The following LMNTD1 variants were observed in gnomAD, a reference collection of about 807,000 sequenced individuals.
LMNTD1 encodes lamin tail domain-containing protein 1.
A neutral mutation model predicts 50.9 loss-of-function variants in LMNTD1; 35 were observed. The ratio of observed to expected loss-of-function variants is 0.69; its 90% CI spans 0.53 to 0.91. LMNTD1 has a LOEUF of 0.91. LMNTD1 is among the 40% of genes least tolerant of loss of function. LMNTD1 has a pLI of 0.00. For synonymous variants in LMNTD1, 153 were observed against 161.9 expected, an observed-to-expected ratio of 0.94 and a Z score of 0.42; for missense variants, 470 against 475.5, an observed-to-expected ratio of 0.99 and a Z score of 0.11.
intron 1 of LMNTD1, among the ~76,000 whole-genome samples, chr12:25,617,756 CCACGTGATACACAGGTA>C (rs1164419477): frequency 6.6e-6 from 1 of 152,162 alleles, no homozygotes; most frequent in Non-Finnish European, 1.5e-5. Context: ...AATTGCAATG[CCACGTGATACACAGGTA>C]AATAATATTA....
At chr12:25,633,358 C>A (rs942992830) in intron 1 of LMNTD1, among the ~76,000 whole-genome samples, 4 of 152,064 alleles carry the variant, frequency 2.6e-5, no homozygotes, top group African/African-American at 9.7e-5. Context: ...TTTCATCCAA[C>A]AACCGCAGAA....
intron 4 of LMNTD1, among the ~76,000 whole-genome samples, chr12:25,544,289 G>A (rs1298543792): frequency 6.6e-6 from 1 of 151,778 alleles, no homozygotes; most frequent in Non-Finnish European, 1.5e-5. Flanking sequence ...ATATCTTCTT[G>A]CTGAATTGAC....
chr12:25,490,214 A>G (rs1254752767), intron 9 of LMNTD1, among the ~76,000 whole-genome samples: 2 of 152,256 alleles, frequency 1.3e-5, no homozygotes, highest in Admixed American at 1.3e-4. Context: ...CTAGCGAAGA[A>G]ACTATGGAAA....
intron 1 of LMNTD1, among the ~76,000 whole-genome samples, chr12:25,597,950 G>A (rs1472592668): frequency 2.0e-5 from 3 of 152,132 alleles, no homozygotes; most frequent in Non-Finnish European, 4.4e-5. Flanking sequence ...AGCTCAGTGG[G>A]AAGTAATTGA....
chr12:25,623,850 C>T (rs1946529547), intron 1 of LMNTD1, among the ~76,000 whole-genome samples: 1 of 152,176 alleles, frequency 6.6e-6, no homozygotes, highest in South Asian at 2.1e-4. Context: ...CTTCGTCTCT[C>T]CCATCTGCAT....
At chr12:25,616,093 AACACACACAC>A (rs10564512) in intron 1 of LMNTD1, among the ~76,000 whole-genome samples, 1 of 148,610 alleles carries the variant, frequency 6.7e-6, no homozygotes, top group South Asian at 2.1e-4. Flanking sequence ...ACACACACAT[AACACACACAC>A]ACACACACAC....
chr12:25,631,284 G>A (rs534897588), intron 1 of LMNTD1, among the ~76,000 whole-genome samples: 2 of 151,986 alleles, frequency 1.3e-5, no homozygotes, highest in East Asian at 3.9e-4. Flanking sequence ...TCTTCTGCAC[G>A]CTACCACAGC....
At chr12:25,620,591 C>G (rs1363400569) in intron 1 of LMNTD1, among the ~76,000 whole-genome samples, 1 of 152,078 alleles carries the variant, frequency 6.6e-6, no homozygotes, top group African/African-American at 2.4e-5. Flanking sequence ...GTGACTCTTC[C>G]ACGTGTCTAT....
intron 8 of LMNTD1, among the ~76,000 whole-genome samples, chr12:25,516,918 T>A (rs1182910481): frequency 1.3e-5 from 2 of 151,454 alleles, no homozygotes; most frequent in Non-Finnish European, 2.9e-5. Context: ...GATACTTCTC[T>A]AAAGAAGACA....
upstream of LMNTD1, among the ~76,000 whole-genome samples, chr12:25,554,085 A>G: frequency 6.6e-6 from 1 of 152,322 alleles, no homozygotes; most frequent in Admixed American, 6.5e-5. Flanking sequence ...AAGGAAGTAA[A>G]CGTTTGACCG....
intron 6 of LMNTD1, among the ~76,000 whole-genome samples, chr12:25,524,525 T>A (rs892057555): frequency 3.3e-5 from 5 of 152,186 alleles, no homozygotes; most frequent in African/African-American, 1.2e-4. Flanking sequence ...GAAAACTTTT[T>A]AAAATCTGCA....
intron 1 of LMNTD1, among the ~76,000 whole-genome samples, chr12:25,628,033 G>A (rs916115975): frequency 1.0e-4 from 14 of 134,894 alleles, no homozygotes; most frequent in Admixed American, 3.3e-4. Flanking sequence ...GCGTGAACCC[G>A]GGAGGCGGAG....
chr12:25,598,305 A>G (rs1007446729), intron 1 of LMNTD1, among the ~76,000 whole-genome samples: 2 of 152,144 alleles, frequency 1.3e-5, no homozygotes, highest in African/African-American at 4.8e-5. Context: ...AAATTTCTTG[A>G]AACAAATAAT....
chr12:25,524,996 T>A (rs715823), intron 6 of LMNTD1, among the ~76,000 whole-genome samples: 21,542 of 152,090 alleles, frequency 0.14, 1,606 homozygotes, highest in East Asian at 0.2. Flanking sequence ...ATAGATTATA[T>A]TGCAGCAAAA....
rs1189965149 is a variant in LMNTD1, at chr12:25,552,857, C to G, written c.89+14G>C. The G allele has an allele frequency of 6.9e-7, 1 of 1,450,320 alleles. No homozygotes were observed. Among genetic ancestry groups the G allele is most frequent in the African/African-American group, 1.4e-5 (1 of 70,956 alleles). The allele number at this position is 1,450,320 out of a possible 1,614,324, so 89.8% of individuals were successfully genotyped here. On this transcript the variant is annotated intron_variant, in intron 2 of 9. Transcript: ENST00000458174. Reference sequence around the variant, plus strand: ...AGCTCTAACTCTGCTTCCATCGCATCTATGCATGCTCACTGTTTTTGTTTC... The same window carrying G: ...AGCTCTAACTCTGCTTCCATCGCATGTATGCATGCTCACTGTTTTTGTTTC...
chr12:25,556,078 T>G (rs550621898), upstream of LMNTD1, among the ~76,000 whole-genome samples: 79 of 150,862 alleles, frequency 5.2e-4, no homozygotes, highest in Middle Eastern at 3.4e-3. Context: ...GTTCAAGTGA[T>G]TCTACTGCCT....
At chr12:25,608,936 T>C (rs185079786) in intron 1 of LMNTD1, among the ~76,000 whole-genome samples, 1 of 152,218 alleles carries the variant, frequency 6.6e-6, no homozygotes, top group Admixed American at 6.5e-5. Flanking sequence ...GGTTCCATTC[T>C]CCATGTCACT....
intron 1 of LMNTD1, among the ~76,000 whole-genome samples, chr12:25,640,767 A>G (rs1004407525): frequency 6.6e-6 from 1 of 151,864 alleles, no homozygotes; most frequent in Admixed American, 6.6e-5. Context: ...GGTTCACGCC[A>G]TTCTCCTGCC....
At chr12:25,607,870 T>C (rs969107224) in intron 1 of LMNTD1, among the ~76,000 whole-genome samples, 49 of 152,198 alleles carry the variant, frequency 3.2e-4, no homozygotes, top group African/African-American at 1.1e-3. Context: ...CAGAGCTGAG[T>C]TCAGGTCCTG....
Sources: gnomAD v4.1 joint callset for allele counts (sites outside exome capture counted in the v4.1 genomes callset) on GRCh38, gnomAD v4.1.1 for gene constraint, MANE v1.5 for transcripts, NCBI Gene and HGNC (gene_info 2026-07-23, HGNC 2026-07-21) for gene names.